SALL2: variants seen among roughly 807,000 people sequenced by gnomAD.
SALL2 encodes sal-like protein 2.
Under a neutral mutation model 58.5 loss-of-function variants are expected in SALL2, and 32 were observed. That is an observed-to-expected ratio of 0.55 (90% confidence interval 0.41 to 0.74). SALL2 has a LOEUF of 0.74. SALL2 is among the 30% of genes least tolerant of loss of function. The pLI, the probability that SALL2 is intolerant of heterozygous loss-of-function variation, is 0.00. For synonymous variants in SALL2, 516 were observed against 513.6 expected (o/e 1.00, Z -0.06); for missense variants, 1,201 against 1,268.9 (o/e 0.95, Z 0.81).
Position 21,521,555 on chromosome 14 carries a change from A to C in SALL2, c.*1149T>G. On this transcript the variant is annotated 3_prime_UTR_variant, in exon 2 of 2. Transcript: ENST00000537235. ...TATGTCACTATTAGCCCAAAAGAAT[A>C]TTAACGAGAATGTCCAGACATTCAC... 2.2e-5 allele frequency: 3 copies of C among 137,460 alleles called. No homozygotes were observed. Among genetic ancestry groups the C allele is most frequent in the South Asian group, 1.8e-4 (1 of 5,626 alleles). 8.5% of individuals were successfully genotyped at this position (137,460 alleles called of 1,614,324 possible).
intron 1 of SALL2, among the ~76,000 whole-genome samples, chr14:21,532,565 C>A (rs1892492948): frequency 6.6e-6 from 1 of 151,944 alleles, no homozygotes; most frequent in East Asian, 1.9e-4. Context: ...CTCTTGAACC[C>A]TGGAGGTGGA....
At position 21,522,767 on chromosome 14, in the gene SALL2, C is replaced by A; in HGVS notation, c.2955G>T (p.Ser985=). The A allele has an allele frequency of 6.4e-7, 1 of 1,569,748 alleles. No homozygotes were observed. The change falls in exon 2 of 2, where the codon TCG becomes TCT. Residue 985 remains serine, a synonymous_variant. Transcript: ENST00000537235. ...AGAGCCCTGTGGAGGTGATGGAAGG[C>A]GAACAGCCAGGGACTAGAGAAAGAG... The part of the protein sequence containing the change: ...IAALSLVPGC[S]PSITSTGLSP...
chr14:21,522,985 C>T lies in SALL2; in HGVS notation c.2737G>A (p.Val913Met). Residue 913 changes from valine to methionine, a missense_variant, in exon 2 of 2, where the codon GTG becomes ATG. By Grantham distance (21) the Val-to-Met change is conservative. This residue lies in a region of SALL2 where 675 missense variants were observed against 683.8 expected (regional missense o/e 0.99). Transcript: ENST00000537235. Reference protein sequence around the residue: ...GESSSRKACEVCGQAFPSQAA... With the variant: ...GESSSRKACEMCGQAFPSQAA... ...TGGGAGGGAAAGGCCTGGCCACACA[C>T]TTCGCAGGCCTTTCTGCTGCTGCTC... is the stretch of plus-strand genomic sequence containing the variant. 1 of 1,614,174 alleles carries T rather than the reference C, an allele frequency of 6.2e-7. No homozygotes were observed. Among genetic ancestry groups the T allele is most frequent in the Non-Finnish European group, 8.5e-7 (1 of 1,180,028 alleles).
At chr14:21,533,548 T>A (rs757699428) in intron 1 of SALL2, among the ~76,000 whole-genome samples, 10 of 152,124 alleles carry the variant, frequency 6.6e-5, no homozygotes, top group Non-Finnish European at 1.3e-4. Context: ...CCCAGTCACA[T>A]CCTTTGTGTT....
At position 21,526,068 on chromosome 14, in the gene SALL2, C is replaced by T. The variant is rs1246496935; in HGVS notation, c.60G>A (p.Glu20=). The part of the protein sequence containing the change: ...RLGVPCGEPA[E]LGGDASEEDH... ...CGACCGACCCTACCGCACCTCCGAG[C>T]TCTGCCGGCTCCCCGCAGGGCACCC... The change falls in exon 1 of 2, where the codon GAG becomes GAA. Residue 20 remains glutamate (E), a synonymous_variant. Coordinates refer to ENST00000537235, the MANE Select transcript of SALL2 (RefSeq NM_001364564.1). 4 of 1,535,858 alleles carry T rather than the reference C, an allele frequency of 2.6e-6. No homozygotes were observed. The highest frequency in any genetic ancestry group is 2.4e-5 in the East Asian group (1 of 40,914).
chr14:21,537,055 A>C, exon 1 of SALL2: 1 of 683,154 alleles, frequency 1.5e-6, no homozygotes, highest in South Asian at 1.7e-5. Context: ...TGAAGCAGAG[A>C]TGTTCTTCTT....
intron 1 of SALL2, 41 bp downstream of exon 1, chr14:21,526,019 CT>C: frequency 1.5e-6 from 2 of 1,374,378 alleles, no homozygotes; most frequent in Non-Finnish European, 2.0e-6. Context: ...GCGCATCCCC[CT>C]CCGCCCCCAC....
At chr14:21,530,757 G>A (rs1489824183), upstream of SALL2, among the ~76,000 whole-genome samples, 3 of 152,108 alleles carry the variant, frequency 2.0e-5, no homozygotes, top group African/African-American at 4.8e-5. Flanking sequence ...CTACAGGCAT[G>A]CACAATCATG....
upstream of SALL2, among the ~76,000 whole-genome samples, chr14:21,527,053 A>G (rs1290160048): frequency 2.0e-5 from 3 of 152,126 alleles, no homozygotes; most frequent in African/African-American, 7.2e-5. Context: ...GTCCATGCTT[A>G]TTTAATAAGC....
chr14:21,527,829 G>A (rs57149584), upstream of SALL2, among the ~76,000 whole-genome samples: 7,090 of 151,412 alleles, frequency 0.047, 573 homozygotes, highest in African/African-American at 0.16. Context: ...CTCCAGCTTC[G>A]GCAACATAGT....
chr14:21,534,884 G>A (rs1892552488), intron 1 of SALL2, among the ~76,000 whole-genome samples: 1 of 152,188 alleles, frequency 6.6e-6, no homozygotes, highest in Admixed American at 6.5e-5. Flanking sequence ...GTGTTTCGGG[G>A]AGGATGCGTT....
At chr14:21,532,824 G>A (rs1025855238) in intron 1 of SALL2, among the ~76,000 whole-genome samples, 1 of 151,964 alleles carries the variant, frequency 6.6e-6, no homozygotes. Context: ...TTAGCCAGGT[G>A]TGGTGGCGGG....
In SALL2 at chr14:21,522,709, G is replaced by A; in HGVS notation, c.3013C>T (p.Pro1005Ser). The stretch of plus-strand genomic sequence containing the variant: ...GCAGGTACAGAAAAACAGGCTCATG[G>A]GATCGTGGGGTCATCTTTTCGGGGA... ...PFPRKDDPTIP is the reference protein window; with the variant it reads ...PFPRKDDPTIS The change falls in exon 2 of 2, where the codon CCA (proline) becomes TCA (serine). Residue 1005 changes from proline (P) to serine (S), a missense_variant. By Grantham distance (74) the Pro-to-Ser change is moderately conservative. Coordinates refer to ENST00000537235, the MANE Select transcript of SALL2 (RefSeq NM_001364564.1). 6.6e-7 allele frequency: 1 copy of A among 1,518,944 alleles called. No homozygotes were observed. 94.1% of individuals were successfully genotyped at this position (1,518,944 alleles called of 1,614,324 possible). A position where few individuals can be genotyped will look rare whatever the true frequency, so the allele number is the denominator to read the frequency against.
chr14:21,535,823 C>T (rs1156250872), intron 1 of SALL2, among the ~76,000 whole-genome samples: 1 of 152,176 alleles, frequency 6.6e-6, no homozygotes, highest in Non-Finnish European at 1.5e-5. Flanking sequence ...GGAGCCATAC[C>T]ACTGACAAGT....
In SALL2 at chr14:21,524,363, G is replaced by A. The variant is rs764185820; in HGVS notation, c.1359C>T (p.Ser453=). Residue 453 remains serine, a synonymous_variant, in exon 2 of 2, where the codon TCC becomes TCT. Transcript: ENST00000537235. ...ITSSGLPYGM[S]VPPEKAEEEA... The stretch of plus-strand genomic sequence containing the variant: ...CCTCCTCGGCCTTCTCTGGTGGCAC[G>A]GACATACCATAAGGCAAGCCACTGC... The A allele has an allele frequency of 9.4e-5, 151 of 1,614,042 alleles. No individual in the cohort carries two copies. Among genetic ancestry groups the A allele is most frequent in the Non-Finnish European group, 1.1e-4 (133 of 1,180,036 alleles).
rs1892203217 is a variant in SALL2 at position 21,524,660 on chromosome 14, C to G, written c.1062G>C (p.Glu354Asp). 1 of 1,613,992 alleles carries G rather than the reference C, an allele frequency of 6.2e-7. No homozygotes were observed. Among genetic ancestry groups the G allele is most frequent in the African/African-American group, 1.3e-5 (1 of 74,940 alleles). ...GACCCATCACTTCTCCGTAGCTCAG[C>G]TCACCACTTCCATTCTTTGGCTTCA... Reference protein sequence around the residue: ...GLLKPKNGSGELSYGEVMGPL... With the variant: ...GLLKPKNGSGDLSYGEVMGPL... Residue 354 changes from glutamate to aspartate, a missense_variant, in exon 2 of 2, where the codon GAG (glutamate) becomes GAC (aspartate). This residue lies in a region of SALL2 where 467 missense variants were observed against 468.9 expected (regional missense o/e 1.00). Transcript: ENST00000537235.
chr14:21,537,073 G>T, exon 1 of SALL2: 1 of 642,794 alleles, frequency 1.6e-6, no homozygotes, highest in Non-Finnish European at 2.8e-6. Flanking sequence ...CTTTCCCAGA[G>T]ACACAGACTC....
chr14:21,527,783 A>G (rs924288842), upstream of SALL2, among the ~76,000 whole-genome samples: 1 of 151,922 alleles, frequency 6.6e-6, no homozygotes, highest in South Asian at 2.1e-4. Context: ...TTGAGGCTGC[A>G]GTGAGCTGTG....
chr14:21,525,307 T>G lies in SALL2; in HGVS notation c.415A>C (p.Ile139Leu). ...GCTCCCAGCTTGGGACTGGCCAAGA[T>G]CAGGCCCCCGCCTCCCCCAGCCGCT... ...GTAAGGGGGL[I>L]LASPKLGATP... The change falls in exon 2 of 2, where the codon ATC becomes CTC. Residue 139 changes from isoleucine (I) to leucine (L), a missense_variant. Ile to Leu is a conservative substitution (Grantham distance 5, BLOSUM62 2). Transcript: ENST00000537235. The surrounding 1 kb of genome is among the most constrained non-coding windows in gnomAD (Gnocchi z 4.4). 2 of 1,612,932 alleles carry G rather than the reference T, an allele frequency of 1.2e-6. No homozygotes were observed. The highest frequency in any genetic ancestry group is 1.7e-6 in the Non-Finnish European group (2 of 1,179,422).
Sources: gnomAD v4.1 joint callset for allele counts (sites outside exome capture counted in the v4.1 genomes callset) on GRCh38, gnomAD v4.1.1 for gene constraint, gnomAD v4.1.1 regional missense constraint, Gnocchi (gnomAD v3.1) non-coding constraint, MANE v1.5 for transcripts, NCBI Gene and HGNC (gene_info 2026-07-23, HGNC 2026-07-21) for gene names.